The following RAB3GAP1 variants were observed in gnomAD, a reference collection of about 807,000 sequenced individuals.
RAB3GAP1 encodes rab3 GTPase-activating protein catalytic subunit.
A neutral mutation model predicts 130.7 loss-of-function variants in RAB3GAP1; 86 were observed. That is an observed-to-expected ratio of 0.66 (90% CI 0.55 to 0.79). RAB3GAP1 has a LOEUF of 0.79. RAB3GAP1 is among the 30% of genes least tolerant of loss of function. RAB3GAP1 has a pLI of 0.00. For synonymous variants in RAB3GAP1, 367 were observed against 401.7 expected, an observed-to-expected ratio of 0.91 and a Z score of 1.03; for missense variants, 1,029 against 1,169.4, an observed-to-expected ratio of 0.88 and a Z score of 1.75.
chr2:135,167,674 T>G, intron 23 of RAB3GAP1: 4 of 1,485,252 alleles, frequency 2.7e-6, no homozygotes, highest in Non-Finnish European at 3.6e-6. Context: ...CACTGTTTCT[T>G]TTCTTACCCC....
intron 2 of RAB3GAP1, 86 bp from the exon 3 acceptor site, chr2:135,057,925 A>T: frequency 3.0e-6 from 3 of 1,006,880 alleles, no homozygotes; most frequent in Non-Finnish European, 4.6e-6. Context: ...TTGTTAAAAT[A>T]TAAAAAATAC....
chr2:135,075,255 A>T (rs1305036897), intron 3 of RAB3GAP1, among the ~76,000 whole-genome samples: 1 of 152,200 alleles, frequency 6.6e-6, no homozygotes, highest in African/African-American at 2.4e-5. Flanking sequence ...TCATTAAAAA[A>T]TTTTAGAGAC....
At chr2:135,131,065 G>A (rs1044865338) in intron 13 of RAB3GAP1, among the ~76,000 whole-genome samples, 14 of 152,184 alleles carry the variant, frequency 9.2e-5, no homozygotes, top group Non-Finnish European at 1.0e-4. Flanking sequence ...GCAGAGGTTC[G>A]AGAGCATGTT....
intron 19 of RAB3GAP1, among the ~76,000 whole-genome samples, chr2:135,157,844 A>C (rs11904211): frequency 0.11 from 17,258 of 151,256 alleles, 1,299 homozygotes; most frequent in South Asian, 0.32. Context: ...AAAAAAAAAA[A>C]AAAAACAAAA....
chr2:135,081,293 C>T (rs1191541253), intron 3 of RAB3GAP1, among the ~76,000 whole-genome samples: 1 of 89,760 alleles, frequency 1.1e-5, no homozygotes, highest in African/African-American at 4.9e-5. Flanking sequence ...GGTGACAGAG[C>T]AAGACTCCGT....
intron 13 of RAB3GAP1, among the ~76,000 whole-genome samples, chr2:135,131,402 AT>A (rs761198556): frequency 6.7e-6 from 1 of 149,340 alleles, no homozygotes; most frequent in Non-Finnish European, 1.5e-5. Context: ...ATTTTTTTGT[AT>A]TTTTTTTTAG....
intron 3 of RAB3GAP1, among the ~76,000 whole-genome samples, chr2:135,069,520 T>A (rs1370078470): frequency 1.6e-4 from 24 of 152,232 alleles, no homozygotes. Context: ...ATGAGTCATT[T>A]TCTAAAACTT....
At chr2:135,106,617 G>T (rs1690629055) in intron 5 of RAB3GAP1, among the ~76,000 whole-genome samples, 1 of 152,008 alleles carries the variant, frequency 6.6e-6, no homozygotes, top group South Asian at 2.1e-4. Flanking sequence ...AAACACTGCG[G>T]AAGGCCGCAG....
intron 19 of RAB3GAP1, among the ~76,000 whole-genome samples, chr2:135,157,494 G>A (rs1005042732): frequency 4.6e-5 from 7 of 152,162 alleles, no homozygotes; most frequent in African/African-American, 1.7e-4. Flanking sequence ...CACATCAAAT[G>A]TGTTTGACTG....
intron 5 of RAB3GAP1, among the ~76,000 whole-genome samples, chr2:135,103,535 A>T (rs927979979): frequency 3.3e-5 from 5 of 152,066 alleles, no homozygotes; most frequent in Non-Finnish European, 7.4e-5. Context: ...CTAAAGGGGA[A>T]TTTTTTTAAA....
chr2:135,169,928 G>T lies in RAB3GAP1; in HGVS notation c.*1147G>T. On this transcript the variant is annotated 3_prime_UTR_variant, in exon 24 of 24. Coordinates refer to ENST00000264158, the MANE Select transcript of RAB3GAP1 (RefSeq NM_012233.3). ...ATACTGAAGCATAAACCTTGCCTGT[G>T]TAATTTTAAAAAATTAATAGAGCTG... The T allele has an allele frequency of 7.0e-6, 2 of 283,882 alleles. No individual in the cohort carries two copies. The highest frequency in any genetic ancestry group is 1.4e-5 in the Non-Finnish European group (2 of 142,366). The allele number at this position is 283,882 out of a possible 1,614,324, so 17.6% of individuals were successfully genotyped here.
Position 135,130,563 on chromosome 2 carries a change from A to G in RAB3GAP1, c.1078A>G (p.Ile360Val), listed in dbSNP as rs1423624607. 4 of 1,612,908 alleles carry G rather than the reference A, an allele frequency of 2.5e-6. No individual in the cohort carries two copies. Among genetic ancestry groups the G allele is most frequent in the East Asian group, 2.2e-5 (1 of 44,868 alleles). ...TGTTCTTTTTATAGAAACTGCTGAT[A>G]TAACTCATGCTTTGTCAAAATTGAC... ...FEEEGKETAD[I>V]THALSKLTEP... Residue 360 changes from isoleucine (I) to valine (V), a missense_variant, in exon 13 of 24, where the codon ATA becomes GTA. Physicochemically the swap from Ile to Val is conservative, Grantham distance 29 (BLOSUM62 3). Transcript: ENST00000264158.
At chr2:135,148,976 T>C (rs1558799881) in intron 17 of RAB3GAP1, among the ~76,000 whole-genome samples, 1 of 152,194 alleles carries the variant, frequency 6.6e-6, no homozygotes. Flanking sequence ...AGTGATCCCA[T>C]GGGTCCATGA....
In RAB3GAP1 at chr2:135,134,242, ATAGT is replaced by A. The variant is rs368025942; in HGVS notation, c.1499+212_1499+215del. Among the ~76,000 whole-genome samples, 35 of 152,346 alleles carry A rather than the reference ATAGT, an allele frequency of 2.3e-4. No individual in the cohort carries two copies. The East Asian group carries it at 6.0e-3, about 26-fold the overall frequency. ...AAACCTAAATATCAAACATAAAAGA[ATAGT>A]TAAATAAATTATACTGTATCTCTAC... On this transcript the variant is annotated intron_variant, in intron 15 of 23. Coordinates refer to ENST00000264158, the MANE Select transcript of RAB3GAP1 (RefSeq NM_012233.3).
intron 17 of RAB3GAP1, among the ~76,000 whole-genome samples, chr2:135,145,178 C>T (rs901313154): frequency 3.9e-5 from 6 of 152,028 alleles, no homozygotes; most frequent in Non-Finnish European, 7.4e-5. Context: ...GAGTATCAAT[C>T]GCCTTGATAG....
intron 2 of RAB3GAP1, among the ~76,000 whole-genome samples, chr2:135,056,392 G>A (rs1396597994): frequency 6.6e-6 from 1 of 151,868 alleles, no homozygotes; most frequent in African/African-American, 2.4e-5. Flanking sequence ...TTTCAGTAGA[G>A]ACGGGGTTTC....
chr2:135,056,136 G>A (rs987723007), intron 2 of RAB3GAP1, among the ~76,000 whole-genome samples: 3 of 149,698 alleles, frequency 2.0e-5, no homozygotes, highest in Non-Finnish European at 4.5e-5. Context: ...ACGCCCGGCC[G>A]ACATATTTCC....
intron 5 of RAB3GAP1, among the ~76,000 whole-genome samples, chr2:135,111,758 A>G (rs1162320426): frequency 1.3e-5 from 2 of 152,166 alleles, no homozygotes; most frequent in Admixed American, 1.3e-4. Flanking sequence ...GATTTCAGCA[A>G]ATTGTTTCTT....
At chr2:135,107,818 C>T (rs1558779143) in intron 5 of RAB3GAP1, among the ~76,000 whole-genome samples, 1 of 151,290 alleles carries the variant, frequency 6.6e-6, no homozygotes, top group East Asian at 1.9e-4. Context: ...ACTAAAAATA[C>T]AAAAAAATTA....
Sources: allele counts gnomAD v4.1 joint callset (sites outside exome capture counted in the v4.1 genomes callset), GRCh38; gene constraint gnomAD v4.1.1; transcripts MANE v1.5; gene names NCBI Gene and HGNC (gene_info 2026-07-23, HGNC 2026-07-21).